Variants in RBFOX1 observed in about 807,000 individuals in gnomAD.
RBFOX1 encodes RNA binding protein fox-1 homolog 1.
RBFOX1 carries 8 observed loss-of-function variants against 57.7 expected under a neutral mutation model. The ratio of observed to expected loss-of-function variants is 0.14; its 90% CI spans 0.08 to 0.25. The LOEUF (loss-of-function observed/expected upper bound fraction) is 0.25. Among genes scored for constraint, RBFOX1 ranks in the 10% least tolerant of loss-of-function variants. The probability of loss-of-function intolerance (pLI) is 1.00; values close to 1 mark genes in which losing one functional copy is unlikely to be tolerated. For synonymous variants in RBFOX1, 326 were observed against 222.4 expected, an observed-to-expected ratio of 1.47 and a Z score of -4.15; for missense variants, 611 against 548.5, an observed-to-expected ratio of 1.11 and a Z score of -1.14.
chr16:6,029,720 C>A (rs866957183), intron 1 of RBFOX1, among the ~76,000 whole-genome samples: 2 of 143,172 alleles, frequency 1.4e-5, no homozygotes, highest in Non-Finnish European at 3.0e-5. Flanking sequence ...TTGCAGTGAG[C>A]CGAGATCGCG....
At chr16:6,251,190 A>C (rs148883688) in intron 1 of RBFOX1, among the ~76,000 whole-genome samples, 1 of 152,198 alleles carries the variant, frequency 6.6e-6, no homozygotes, top group Non-Finnish European at 1.5e-5. Flanking sequence ...GGCATTTACT[A>C]TGTGTCAGGT....
At chr16:6,717,473 A>T (rs185747624) in intron 3 of RBFOX1, among the ~76,000 whole-genome samples, 7 of 152,188 alleles carry the variant, frequency 4.6e-5, no homozygotes, top group Admixed American at 4.6e-4. Flanking sequence ...TGTTACGTTA[A>T]ACTCAAAAAC....
At chr16:7,547,493 C>G (rs146318669) in intron 5 of RBFOX1, among the ~76,000 whole-genome samples, 3 of 152,264 alleles carry the variant, frequency 2.0e-5, no homozygotes, top group Non-Finnish European at 2.9e-5. Context: ...CATTTAGTCC[C>G]TTCTGCAAGC....
At chr16:7,067,352 G>T (rs1225832491) in intron 4 of RBFOX1, among the ~76,000 whole-genome samples, 2 of 151,948 alleles carry the variant, frequency 1.3e-5, no homozygotes, top group African/African-American at 4.8e-5. Context: ...CTATTCTGCA[G>T]TTCTTTAGGT....
intron 4 of RBFOX1, among the ~76,000 whole-genome samples, chr16:7,059,739 A>C (rs1487970770): frequency 6.6e-6 from 1 of 152,244 alleles, no homozygotes; most frequent in African/African-American, 2.4e-5. Flanking sequence ...TTTGGTACAA[A>C]TTTACCTTTC....
intron 2 of RBFOX1, among the ~76,000 whole-genome samples, chr16:6,345,078 A>G (rs1305302294): frequency 6.6e-6 from 1 of 152,198 alleles, no homozygotes. Context: ...TTGGAAGAGC[A>G]AGACACTAGA....
intron 1 of RBFOX1, among the ~76,000 whole-genome samples, chr16:5,351,682 C>T (rs754535789): frequency 7.9e-5 from 12 of 152,290 alleles, no homozygotes; most frequent in South Asian, 6.2e-4. Flanking sequence ...TTAACTAGAG[C>T]GGTCAAGGGA....
chr16:6,529,899 A>G (rs111592623), intron 2 of RBFOX1, among the ~76,000 whole-genome samples: 5 of 152,146 alleles, frequency 3.3e-5, no homozygotes, highest in African/African-American at 1.2e-4. Context: ...CTTTTTCTCC[A>G]CTCACTGCTC....
chr16:6,915,813 A>T (rs935477406), intron 3 of RBFOX1, among the ~76,000 whole-genome samples: 1 of 152,096 alleles, frequency 6.6e-6, no homozygotes, highest in African/African-American at 2.4e-5. Flanking sequence ...TGGCCTCGCA[A>T]AGTCCTGTAA....
intron 3 of RBFOX1, among the ~76,000 whole-genome samples, chr16:6,846,582 C>G (rs1056916379): frequency 1.3e-5 from 2 of 152,164 alleles, no homozygotes; most frequent in African/African-American, 4.8e-5. Context: ...GAGATTGGAG[C>G]TACAAATGTG....
At chr16:6,383,876 G>T (rs1003716655) in intron 2 of RBFOX1, among the ~76,000 whole-genome samples, 2 of 151,996 alleles carry the variant, frequency 1.3e-5, no homozygotes, top group African/African-American at 4.8e-5. Flanking sequence ...CTAAGCAGAT[G>T]GTGGGATCTG....
At chr16:7,023,483 T>A (rs2039916004) in intron 3 of RBFOX1, among the ~76,000 whole-genome samples, 1 of 137,388 alleles carries the variant, frequency 7.3e-6, no homozygotes, top group African/African-American at 2.8e-5. Context: ...GAGAAATGAA[T>A]GATGGGCTTG....
intron 5 of RBFOX1, among the ~76,000 whole-genome samples, chr16:7,557,060 C>G (rs1360532927): frequency 1.3e-5 from 2 of 152,072 alleles, no homozygotes; most frequent in African/African-American, 4.8e-5. Flanking sequence ...TTGATACAGT[C>G]TTTGTAATGT....
At chr16:7,059,835 A>G (rs2053694688) in intron 4 of RBFOX1, among the ~76,000 whole-genome samples, 1 of 152,158 alleles carries the variant, frequency 6.6e-6, no homozygotes, top group Admixed American at 6.5e-5. Context: ...TTTCATTGTA[A>G]TTACATTAGT....
chr16:7,127,782 G>A lies in RBFOX1; in HGVS notation c.27+75684G>A, dbSNP rs994049304. On this transcript the variant is annotated intron_variant, in intron 4 of 15. Coordinates refer to ENST00000550418, the MANE Select transcript of RBFOX1 (RefSeq NM_018723.4). The stretch of plus-strand genomic sequence containing the variant: ...CATAGCCCCGTGGAGGCAGGCTGAA[G>A]CCTTGGCACATCTTGGTAGGATGAC... Among the ~76,000 whole-genome samples the A allele has an allele frequency of 5.3e-5, 8 of 152,236 alleles. No homozygotes were observed. In the East Asian group the frequency reaches 1.5e-3, roughly 29 times the overall value.
chr16:6,714,151 T>G (rs1244188702), intron 3 of RBFOX1, among the ~76,000 whole-genome samples: 1 of 152,200 alleles, frequency 6.6e-6, no homozygotes, highest in Non-Finnish European at 1.5e-5. Flanking sequence ...TCTCACGCTC[T>G]CTCTCTCACC....
upstream of RBFOX1, among the ~76,000 whole-genome samples, chr16:6,018,190 A>G (rs7197994): frequency 1.5e-5 from 1 of 64,546 alleles, no homozygotes; most frequent in South Asian, 6.1e-4. Context: ...GGAAAGGAGG[A>G]AGGAAGAAAG....
At chr16:6,475,421 C>T (rs2095257463) in intron 2 of RBFOX1, among the ~76,000 whole-genome samples, 1 of 152,178 alleles carries the variant, frequency 6.6e-6, no homozygotes, top group Non-Finnish European at 1.5e-5. Flanking sequence ...GAATGAGGGT[C>T]ATTCACCTGG....
chr16:7,432,709 T>C (rs1433454196), intron 4 of RBFOX1, among the ~76,000 whole-genome samples: 2 of 152,216 alleles, frequency 1.3e-5, no homozygotes, highest in African/African-American at 4.8e-5. Flanking sequence ...GAATCTGGCC[T>C]ATGGGCCATA....
Sources: allele counts gnomAD v4.1 joint callset (sites outside exome capture counted in the v4.1 genomes callset), GRCh38; gene constraint gnomAD v4.1.1; transcripts MANE v1.5; gene names NCBI Gene and HGNC (gene_info 2026-07-23, HGNC 2026-07-21).